Variants in KCTD1 observed in about 807,000 individuals in gnomAD.
KCTD1 encodes BTB/POZ domain-containing protein KCTD1.
In KCTD1, 24 loss-of-function variants were observed where a neutral mutation model predicts 66.0. The ratio of observed to expected loss-of-function variants is 0.36; its 90% CI spans 0.26 to 0.51. KCTD1 has a LOEUF of 0.51. Ranked by LOEUF, KCTD1 falls within the 20% of genes least tolerant of loss-of-function variation. The probability of loss-of-function intolerance (pLI) is 0.95; values close to 1 mark genes in which losing one functional copy is unlikely to be tolerated. For synonymous variants in KCTD1, 511 were observed against 517.2 expected (o/e 0.99, Z 0.16); for missense variants, 943 against 1,205.2 (o/e 0.78, Z 3.22).
At chr18:26,585,565 G>T (rs1338799054) in intron 1 of KCTD1, among the ~76,000 whole-genome samples, 1 of 152,078 alleles carries the variant, frequency 6.6e-6, no homozygotes, top group Non-Finnish European at 1.5e-5. Context: ...CACTAATAAA[G>T]AATTATCTAA....
chr18:26,474,967 A>G (rs1836265358), intron 3 of KCTD1, among the ~76,000 whole-genome samples: 1 of 152,254 alleles, frequency 6.6e-6, no homozygotes, highest in South Asian at 2.1e-4. Context: ...CAAATGTCTC[A>G]GTGGTGATCG....
chr18:26,510,521 C>T (rs1301750644), intron 1 of KCTD1, among the ~76,000 whole-genome samples: 1 of 152,180 alleles, frequency 6.6e-6, no homozygotes, highest in Non-Finnish European at 1.5e-5. Flanking sequence ...ACTGCACAGT[C>T]TGTCTGCCAG....
chr18:26,547,106 C>A lies in KCTD1; in HGVS notation c.1431G>T (p.Gln477His). ...CGTTCAGAGCCTCGGCGTAGCAGCC[C>A]TGCGGGGCGGGCGAGCCCAGCTTGG... is the stretch of plus-strand genomic sequence containing the variant. ...IGTKLGSPAPQGCYAEALNGA... is the reference protein window; with the variant it reads ...IGTKLGSPAPHGCYAEALNGA... The change falls in exon 1 of 5, where the codon CAG becomes CAT. Residue 477 changes from glutamine (Q) to histidine (H), a missense_variant. By Grantham distance (24) the Gln-to-His change is conservative (BLOSUM62 0). This residue lies in a region of KCTD1 where 197 missense variants were observed against 182.7 expected (regional missense o/e 1.08). Coordinates refer to ENST00000580059, the MANE Select transcript of KCTD1 (RefSeq NM_001142730.3). 5.8e-6 allele frequency: 9 copies of A among 1,548,972 alleles called. No homozygotes were observed. The highest frequency in any genetic ancestry group is 7.8e-6 in the Non-Finnish European group (9 of 1,146,742).
rs1419321202 is a variant in KCTD1, at chr18:26,546,755, A to G, written c.1782T>C (p.Val594=). The change falls in exon 1 of 5, where the codon GTT becomes GTC. Residue 594 remains valine (V), a synonymous_variant. Coordinates refer to ENST00000580059, the MANE Select transcript of KCTD1 (RefSeq NM_001142730.3). ...GHRSTNSPTI[V]SPAIVSPTQD... ...GGGTGGGGGAAACAATAGCAGGTGA[A>G]ACTATTGTGGGAGAATTGGTGCTTC... The G allele has an allele frequency of 1.3e-6, 2 of 1,549,692 alleles. No homozygotes were observed. The highest frequency in any genetic ancestry group is 4.9e-5 in the East Asian group (2 of 40,892).
At chr18:26,526,102 G>A (rs1200642619) in intron 1 of KCTD1, among the ~76,000 whole-genome samples, 1 of 152,022 alleles carries the variant, frequency 6.6e-6, no homozygotes, top group Non-Finnish European at 1.5e-5. Context: ...GGAGGCAGGT[G>A]GCCAGTCTTT....
At chr18:26,642,560 A>T (rs189711116), upstream of KCTD1, among the ~76,000 whole-genome samples, 7 of 152,206 alleles carry the variant, frequency 4.6e-5, no homozygotes, top group Non-Finnish European at 7.3e-5. Context: ...ATGTTGAAAA[A>T]TACAAACTAG....
At chr18:26,620,119 T>G (rs1456851536) in intron 1 of KCTD1, among the ~76,000 whole-genome samples, 4 of 152,096 alleles carry the variant, frequency 2.6e-5, no homozygotes, top group Non-Finnish European at 5.9e-5. Flanking sequence ...TTTATGGTAT[T>G]TTTTCTGTCT....
In KCTD1 at chr18:26,548,095, G is replaced by C. The variant is rs755013443; in HGVS notation, c.442C>G (p.Pro148Ala). ...RLLAPRARGG[P>A]PGDGSELDPD... ...TCCAGCTCGGAGCCGTCCCCGGGCGGCCCACCGCGGGCCCGGGGCGCCAGC... is the reference window on the plus strand; with the variant it reads ...TCCAGCTCGGAGCCGTCCCCGGGCGCCCCACCGCGGGCCCGGGGCGCCAGC... Residue 148 changes from proline to alanine, a missense_variant, in exon 1 of 5, where the codon CCG becomes GCG. By Grantham distance (27) the Pro-to-Ala change is conservative. Coordinates refer to ENST00000580059, the MANE Select transcript of KCTD1 (RefSeq NM_001142730.3). 1 of 1,326,862 alleles carries C rather than the reference G, an allele frequency of 7.5e-7. No individual in the cohort carries two copies. Among genetic ancestry groups the C allele is most frequent in the South Asian group, 2.3e-5 (1 of 43,848 alleles). The allele number at this position is 1,326,862 out of a possible 1,614,324, so 82.2% of individuals were successfully genotyped here.
upstream of KCTD1, among the ~76,000 whole-genome samples, chr18:26,641,643 C>G (rs1027289406): frequency 6.6e-6 from 1 of 152,016 alleles, no homozygotes; most frequent in African/African-American, 2.4e-5. Context: ...GTCTGGCATG[C>G]CATATTTGCC....
chr18:26,566,814 C>T (rs1389690495), intron 1 of KCTD1: 1 of 114,654 alleles, frequency 8.7e-6, no homozygotes, highest in East Asian at 2.6e-4. Flanking sequence ...CCAAGCTCTA[C>T]TTTGGAGGCA....
intron 1 of KCTD1, among the ~76,000 whole-genome samples, chr18:26,569,040 T>G (rs985593208): frequency 6.6e-6 from 1 of 152,138 alleles, no homozygotes; most frequent in East Asian, 1.9e-4. Flanking sequence ...AAGTAGCATT[T>G]TAACAAAAGG....
At chr18:26,575,608 A>G (rs569526424) in intron 1 of KCTD1, 2 of 152,378 alleles carry the variant, frequency 1.3e-5, no homozygotes, top group East Asian at 3.9e-4. Context: ...CTTAGTCTCT[A>G]GCCTGCCAGC....
intron 1 of KCTD1, among the ~76,000 whole-genome samples, chr18:26,546,467 T>C (rs559996339): frequency 1.3e-5 from 2 of 152,348 alleles, no homozygotes; most frequent in African/African-American, 4.8e-5. Context: ...ATCCTTTTGT[T>C]CGGCGAACTT....
intron 1 of KCTD1, among the ~76,000 whole-genome samples, chr18:26,542,175 G>A (rs1186660327): frequency 2.0e-5 from 3 of 152,140 alleles, no homozygotes; most frequent in Admixed American, 6.5e-5. Flanking sequence ...CACTAAAAAC[G>A]TTAATTAAAG....
chr18:26,648,294 C>T (rs887598516), intron 1 of KCTD1, among the ~76,000 whole-genome samples: 7 of 152,134 alleles, frequency 4.6e-5, no homozygotes, highest in Non-Finnish European at 7.4e-5. Context: ...CTATAAATAT[C>T]CAAGGGCTCC....
intron 1 of KCTD1, among the ~76,000 whole-genome samples, chr18:26,574,594 C>T (rs117280861): frequency 1.4e-3 from 220 of 152,262 alleles, no homozygotes; most frequent in Non-Finnish European, 2.2e-3. Flanking sequence ...ATAATAACTA[C>T]GAATATTAAT....
intron 2 of KCTD1, among the ~76,000 whole-genome samples, chr18:26,494,019 T>G (rs1409251441): frequency 6.6e-6 from 1 of 152,234 alleles, no homozygotes; most frequent in African/African-American, 2.4e-5. Context: ...CAAGGACTTT[T>G]GTTGGTAACT....
chr18:26,468,011 C>CAGAGAGAG lies in KCTD1; in HGVS notation c.2134-8094_2134-8087dup, dbSNP rs370555675. The stretch of plus-strand genomic sequence containing the variant: ...AGATGATGTTAAAGATAAAAGGCTA[C>CAGAGAGAG]AGAGAGAGAGAGAGAGAGAAAGAGA... On this transcript the variant is annotated intron_variant, in intron 3 of 4. Coordinates refer to ENST00000580059, the MANE Select transcript of KCTD1 (RefSeq NM_001142730.3). This position sits in a 1 kb window ranked among gnomAD's most constrained non-coding sequence, Gnocchi z 4.8. Among the ~76,000 whole-genome samples the CAGAGAGAG allele has an allele frequency of 6.7e-6, 1 of 149,882 alleles. No individual in the cohort carries two copies. Among genetic ancestry groups the CAGAGAGAG allele is most frequent in the African/African-American group, 2.4e-5 (1 of 41,044 alleles).
intron 1 of KCTD1, among the ~76,000 whole-genome samples, chr18:26,555,917 T>G (rs572209472): frequency 1.3e-5 from 2 of 152,290 alleles, no homozygotes; most frequent in Admixed American, 6.5e-5. Context: ...AAGGACCAGA[T>G]TTTGAAGCTC....
Sources: gnomAD v4.1 joint callset for allele counts (sites outside exome capture counted in the v4.1 genomes callset) on GRCh38, gnomAD v4.1.1 for gene constraint, gnomAD v4.1.1 regional missense constraint, Gnocchi (gnomAD v3.1) non-coding constraint, MANE v1.5 for transcripts, NCBI Gene and HGNC (gene_info 2026-07-23, HGNC 2026-07-21) for gene names.